ZNF366: variants seen among roughly 807,000 people sequenced by gnomAD.
The protein encoded by ZNF366 is dendritic cell-specific transcript protein.
Under a neutral mutation model 47.2 loss-of-function variants are expected in ZNF366, and 20 were observed. That is an observed-to-expected ratio of 0.42 (90% CI 0.30 to 0.62). The LOEUF (loss-of-function observed/expected upper bound fraction) is 0.62. ZNF366 is among the 20% of genes least tolerant of loss of function. The pLI, the probability that ZNF366 is intolerant of heterozygous loss-of-function variation, is 0.16. For missense variants in ZNF366, 987 were observed against 976.3 expected (o/e 1.01, Z -0.15); for synonymous variants, 421 against 395.1 (o/e 1.07, Z -0.78).
intron 1 of ZNF366, among the ~76,000 whole-genome samples, chr5:72,462,657 C>G (rs1298722342): frequency 1.3e-5 from 2 of 151,426 alleles, no homozygotes; most frequent in African/African-American, 4.9e-5. Context: ...TTCAAGTGAC[C>G]CTTGTGCCTC....
At chr5:72,492,879 A>G (rs867487919) in intron 1 of ZNF366, among the ~76,000 whole-genome samples, 2 of 152,184 alleles carry the variant, frequency 1.3e-5, no homozygotes, top group African/African-American at 4.8e-5. Flanking sequence ...TTTACTTCAC[A>G]TCAGTTCCAA....
At chr5:72,468,916 A>G (rs1743488904) in intron 1 of ZNF366, among the ~76,000 whole-genome samples, 1 of 152,250 alleles carries the variant, frequency 6.6e-6, no homozygotes, top group South Asian at 2.1e-4. Context: ...CTAGAATGTT[A>G]GAATTTTTCT....
At chr5:72,444,418 G>T (rs1742921253) in intron 4 of ZNF366, 127 bp from the exon 5 acceptor site, 1 of 1,093,654 alleles carries the variant, frequency 9.1e-7, no homozygotes, top group Non-Finnish European at 1.3e-6. Flanking sequence ...ATCATTCCCA[G>T]TAAGGATGTG....
At position 72,440,371 on chromosome 5, in the gene ZNF366, A is replaced by G. The variant is rs1031578790; in HGVS notation, c.*3385T>C. ...GAATTGAAAGGTAACATGAGGAGTA[A>G]TCATAGGAAAGAATAAAAAGAATAA... On this transcript the variant is annotated 3_prime_UTR_variant, in exon 5 of 5. Transcript: ENST00000318442. 6.6e-6 allele frequency: 1 copy of G among 152,246 alleles called. No homozygotes were observed. Among genetic ancestry groups the G allele is most frequent in the African/African-American group, 2.4e-5 (1 of 41,466 alleles). 9.4% of individuals were successfully genotyped at this position (152,246 alleles called of 1,614,324 possible). A position where few individuals can be genotyped will look rare whatever the true frequency, so the allele number is the denominator to read the frequency against.
intron 1 of ZNF366, among the ~76,000 whole-genome samples, chr5:72,485,113 A>G (rs1743868120): frequency 1.3e-5 from 2 of 152,204 alleles, no homozygotes; most frequent in Non-Finnish European, 2.9e-5. Context: ...ATTTAGTAAA[A>G]AAACATTAAA....
At chr5:72,469,261 G>A (rs1258258410) in intron 1 of ZNF366, among the ~76,000 whole-genome samples, 1 of 152,048 alleles carries the variant, frequency 6.6e-6, no homozygotes, top group Non-Finnish European at 1.5e-5. Context: ...GAAATATTTT[G>A]TATTTTGCTT....
At chr5:72,462,581 TG>T (rs1263214798) in intron 1 of ZNF366, among the ~76,000 whole-genome samples, 3 of 144,816 alleles carry the variant, frequency 2.1e-5, no homozygotes, top group Non-Finnish European at 4.5e-5. Context: ...AGTCTGGCTC[TG>T]TTGCCCAGGC....
intron 1 of ZNF366, among the ~76,000 whole-genome samples, chr5:72,469,721 T>A (rs1743519617): frequency 6.6e-6 from 1 of 152,216 alleles, no homozygotes; most frequent in African/African-American, 2.4e-5. Context: ...TGAACAATCT[T>A]CTATAATTGC....
At chr5:72,490,297 C>G (rs968771228) in intron 1 of ZNF366, among the ~76,000 whole-genome samples, 6 of 152,122 alleles carry the variant, frequency 3.9e-5, no homozygotes, top group Admixed American at 1.3e-4. Flanking sequence ...TAAAATTACT[C>G]TAGAAAACCA....
intron 1 of ZNF366, among the ~76,000 whole-genome samples, chr5:72,504,524 C>T (rs1041121510): frequency 3.9e-5 from 6 of 151,930 alleles, no homozygotes; most frequent in African/African-American, 1.4e-4. Context: ...TTCTGCCATT[C>T]GTGAAGATGA....
Position 72,444,139 on chromosome 5 carries a change from C to T in ZNF366, c.1852G>A (p.Glu618Lys), listed in dbSNP as rs1320865385. ...TAGCAGTTATCCTCCTCTTCCTCCTCGTGGCAGTGGCTGCCCTGGGCACTC... is the reference window on the plus strand; with the variant it reads ...TAGCAGTTATCCTCCTCTTCCTCCTTGTGGCAGTGGCTGCCCTGGGCACTC... ...GESAQGSHCH[E>K]EEEEDNCYEV... is the part of the protein sequence containing the mutation. Residue 618 changes from glutamate to lysine, a missense_variant, in exon 5 of 5, where the codon GAG becomes AAG. Transcript: ENST00000318442. 3.1e-6 allele frequency: 5 copies of T among 1,613,710 alleles called. No individual in the cohort carries two copies. The highest frequency in any genetic ancestry group is 1.7e-5 in the Admixed American group (1 of 60,010).
chr5:72,471,411 T>C (rs1227689937), intron 1 of ZNF366, among the ~76,000 whole-genome samples: 1 of 152,210 alleles, frequency 6.6e-6, no homozygotes, highest in Non-Finnish European at 1.5e-5. Context: ...TACATACTGA[T>C]AAAATACATG....
At chr5:72,467,046 G>A (rs1226610032) in intron 1 of ZNF366, among the ~76,000 whole-genome samples, 1 of 152,210 alleles carries the variant, frequency 6.6e-6, no homozygotes, top group Non-Finnish European at 1.5e-5. Flanking sequence ...AACCAAGAAT[G>A]GGTAGTCACC....
intron 2 of ZNF366, 80 bp from the exon 3 acceptor site, chr5:72,456,675 T>C (rs1354352484): frequency 3.6e-6 from 5 of 1,382,236 alleles, no homozygotes; most frequent in Non-Finnish European, 4.9e-6. Context: ...CATTTTCCTC[T>C]CTGCCACATA....
At position 72,453,635 on chromosome 5, in the gene ZNF366, C is replaced by A. The variant is rs376502638; in HGVS notation, c.1524+2769G>T. Reference sequence around the variant, plus strand: ...GGAGCTAGTTTACAAATGCAAAGAGCCTTGTGACATAATCTGTAAACCCAG... The same window carrying A: ...GGAGCTAGTTTACAAATGCAAAGAGACTTGTGACATAATCTGTAAACCCAG... On this transcript the variant is annotated intron_variant, in intron 3 of 4. Coordinates refer to ENST00000318442, the MANE Select transcript of ZNF366 (RefSeq NM_152625.3). Among the ~76,000 whole-genome samples, 140 of 152,336 alleles carry A rather than the reference C, an allele frequency of 9.2e-4. 3 individuals are homozygous for A. In the South Asian group the frequency reaches 0.028, roughly 30 times the overall value.
chr5:72,475,761 G>T (rs1042128261), intron 1 of ZNF366, among the ~76,000 whole-genome samples: 2 of 152,170 alleles, frequency 1.3e-5, no homozygotes, highest in Non-Finnish European at 2.9e-5. Flanking sequence ...CCAAATCACT[G>T]AGGGTAAGAC....
chr5:72,465,725 A>T (rs1743416806), intron 1 of ZNF366, among the ~76,000 whole-genome samples: 1 of 152,204 alleles, frequency 6.6e-6, no homozygotes, highest in South Asian at 2.1e-4. Flanking sequence ...TCCCCACCAG[A>T]AAGAGTTGAA....
intron 1 of ZNF366, among the ~76,000 whole-genome samples, chr5:72,502,157 C>T (rs1283683797): frequency 1.3e-5 from 2 of 152,180 alleles, no homozygotes; most frequent in East Asian, 3.8e-4. Context: ...GCATCTATGA[C>T]AGGCTCTGTG....
intron 4 of ZNF366, among the ~76,000 whole-genome samples, chr5:72,444,754 T>C (rs1742927401): frequency 6.6e-6 from 1 of 152,232 alleles, no homozygotes; most frequent in South Asian, 2.1e-4. Flanking sequence ...ATATTTGCTA[T>C]GTATTTTAAG....
Sources: gnomAD v4.1 joint callset for allele counts (sites outside exome capture counted in the v4.1 genomes callset) on GRCh38, gnomAD v4.1.1 for gene constraint, MANE v1.5 for transcripts, NCBI Gene and HGNC (gene_info 2026-07-23, HGNC 2026-07-21) for gene names.